Variants in COP1 observed in about 807,000 individuals in gnomAD.
COP1 encodes the protein COP1 E3 ubiquitin ligase.
Under a neutral mutation model 101.3 loss-of-function variants are expected in COP1, and 24 were observed. That is an observed-to-expected ratio of 0.24 (90% CI 0.17 to 0.33). The LOEUF (loss-of-function observed/expected upper bound fraction) is 0.33, where lower values mean the gene tolerates loss of function less well. Among genes scored for constraint, COP1 ranks in the 10% least tolerant of loss-of-function variants. The probability of loss-of-function intolerance (pLI) is 1.00; values close to 1 mark genes in which losing one functional copy is unlikely to be tolerated. For missense variants in COP1, 663 were observed against 906.2 expected (o/e 0.73, Z 3.45); for synonymous variants, 347 against 341.9 (o/e 1.01, Z -0.17).
intron 11 of COP1, among the ~76,000 whole-genome samples, chr1:176,049,645 G>A (rs1167074083): frequency 1.3e-5 from 2 of 151,968 alleles, no homozygotes; most frequent in Non-Finnish European, 2.9e-5. Context: ...AGGACTTCTA[G>A]ATACTGAAAC....
intron 6 of COP1, among the ~76,000 whole-genome samples, chr1:176,145,022 T>C (rs1691349047): frequency 6.6e-6 from 1 of 152,140 alleles, no homozygotes; most frequent in Admixed American, 6.5e-5. Flanking sequence ...ACTCTATTAA[T>C]ATCAGAAACT....
chr1:176,055,577 C>G (rs928112173), intron 11 of COP1, among the ~76,000 whole-genome samples: 1 of 152,174 alleles, frequency 6.6e-6, no homozygotes, highest in African/African-American at 2.4e-5. Flanking sequence ...TGATGACTAT[C>G]AAGTGTTTGT....
At chr1:176,180,455 T>G (rs1166257017) in intron 2 of COP1, among the ~76,000 whole-genome samples, 1 of 152,120 alleles carries the variant, frequency 6.6e-6, no homozygotes, top group Non-Finnish European at 1.5e-5. Context: ...CAACAACAGG[T>G]GGGCATAACA....
intron 18 of COP1, among the ~76,000 whole-genome samples, chr1:175,965,658 G>A (rs1431184006): frequency 6.6e-6 from 1 of 151,444 alleles, no homozygotes; most frequent in African/African-American, 2.4e-5. Flanking sequence ...GTGCAGTCTC[G>A]GCTCACTGCA....
chr1:176,180,719 A>T (rs1164905666), intron 2 of COP1, among the ~76,000 whole-genome samples: 1 of 152,252 alleles, frequency 6.6e-6, no homozygotes, highest in Non-Finnish European at 1.5e-5. Flanking sequence ...GAGTAGATAT[A>T]AACAACTGTA....
intron 15 of COP1, among the ~76,000 whole-genome samples, chr1:175,997,172 G>T (rs1660378443): frequency 6.7e-6 from 1 of 150,262 alleles, no homozygotes; most frequent in South Asian, 2.1e-4. Flanking sequence ...TTAATAAATG[G>T]TGCTGGGAAA....
chr1:176,131,232 C>A (rs1688834697), intron 8 of COP1, among the ~76,000 whole-genome samples: 1 of 151,730 alleles, frequency 6.6e-6, no homozygotes, highest in Non-Finnish European at 1.5e-5. Flanking sequence ...AGGAAAGAAA[C>A]ATCATATTTC....
intron 15 of COP1, among the ~76,000 whole-genome samples, chr1:175,992,398 G>A (rs944548864): frequency 1.3e-5 from 2 of 152,182 alleles, no homozygotes; most frequent in South Asian, 2.1e-4. Context: ...GTGGGTGCAG[G>A]AGAGTGGGTG....
intron 15 of COP1, among the ~76,000 whole-genome samples, chr1:176,021,450 T>G (rs182272117): frequency 1.3e-5 from 2 of 152,334 alleles, no homozygotes; most frequent in East Asian, 3.9e-4. Flanking sequence ...CAATCCTCAT[T>G]GATTTGCTTT....
At position 175,973,149 on chromosome 1, in the gene COP1, C is replaced by A. The variant is rs374333379; in HGVS notation, c.2133+13794G>T. ...ATCTGGCCAAGCCTTATTTTTTTAA[C>A]ACTTTTACAAGTCTAATTTTTAGTG... On this transcript the variant is annotated intron_variant, in intron 18 of 19. Coordinates refer to ENST00000367669, the MANE Select transcript of COP1 (RefSeq NM_022457.7). 2.4e-4 allele frequency among the ~76,000 whole-genome samples: 36 copies of A among 152,220 alleles called. No individual in the cohort carries two copies. In the East Asian group the frequency reaches 6.4e-3, roughly 27 times the overall value.
At chr1:176,185,068 C>A (rs973689583) in intron 1 of COP1, among the ~76,000 whole-genome samples, 1 of 152,106 alleles carries the variant, frequency 6.6e-6, no homozygotes, top group South Asian at 2.1e-4. Context: ...CCGAGACCTG[C>A]TAAATACTCT....
At chr1:176,065,198 A>T (rs929482059) in intron 11 of COP1, among the ~76,000 whole-genome samples, 2 of 152,192 alleles carry the variant, frequency 1.3e-5, no homozygotes, top group African/African-American at 4.8e-5. Context: ...CCAGAGGTTA[A>T]AATCTGTTTA....
intron 15 of COP1, among the ~76,000 whole-genome samples, chr1:176,005,300 C>A (rs1038189488): frequency 6.6e-6 from 1 of 152,148 alleles, no homozygotes; most frequent in African/African-American, 2.4e-5. Flanking sequence ...TTTCAAAAAA[C>A]CAGCTCCTGG....
At chr1:176,093,596 T>C (rs1681750447) in intron 9 of COP1, among the ~76,000 whole-genome samples, 1 of 152,102 alleles carries the variant, frequency 6.6e-6, no homozygotes, top group Non-Finnish European at 1.5e-5. Flanking sequence ...TCCCAGCACT[T>C]TGGGAGGCCG....
At position 176,193,340 on chromosome 1, in the gene COP1, C is replaced by T. The variant is rs1699315411; in HGVS notation, c.408-8648G>A. On this transcript the variant is annotated intron_variant, in intron 1 of 19. Transcript: ENST00000367669. ...CTAGTAGGAAAATAAAGTAATGCAG[C>T]TACTATGGAAAACTGTTTGGCAGTT... Among the ~76,000 whole-genome samples the T allele has an allele frequency of 2.6e-5, 4 of 152,196 alleles. No homozygotes were observed. In the South Asian group the frequency reaches 8.3e-4, roughly 32 times the overall value.
chr1:176,043,608 A>G, intron 13 of COP1, 102 bp downstream of exon 13: 1 of 746,296 alleles, frequency 1.3e-6, no homozygotes, highest in Non-Finnish European at 2.3e-6. Flanking sequence ...AAAATACTAA[A>G]TAGTGACTTC....
chr1:176,024,459 A>T (rs146098356), intron 15 of COP1, among the ~76,000 whole-genome samples: 332 of 152,346 alleles, frequency 2.2e-3, no homozygotes, highest in African/African-American at 7.6e-3. Context: ...AAAAACTCTT[A>T]GCAAACTAGG....
intron 5 of COP1, among the ~76,000 whole-genome samples, chr1:176,151,342 G>GAAAGAAAAA (rs1692444793): frequency 1.2e-5 from 1 of 86,124 alleles, no homozygotes; most frequent in Admixed American, 1.3e-4. Context: ...AAAGAAGGAA[G>GAAAGAAAAA]GAAAGAAAGA....
intron 11 of COP1, among the ~76,000 whole-genome samples, chr1:176,073,652 T>G (rs1677413912): frequency 6.6e-6 from 1 of 152,194 alleles, no homozygotes; most frequent in Non-Finnish European, 1.5e-5. Flanking sequence ...CTTATGAGAG[T>G]GAACTTCACT....
Sources: gnomAD v4.1 joint callset for allele counts (sites outside exome capture counted in the v4.1 genomes callset) on GRCh38, gnomAD v4.1.1 for gene constraint, MANE v1.5 for transcripts, NCBI Gene and HGNC (gene_info 2026-07-23, HGNC 2026-07-21) for gene names.